Variants in FOLR1 observed in about 807,000 individuals in gnomAD.
The protein encoded by FOLR1 is KB cells FBP.
FOLR1 carries 11 observed loss-of-function variants against 22.8 expected under a neutral mutation model. That is an observed-to-expected ratio of 0.48 (90% CI 0.30 to 0.80). The LOEUF (loss-of-function observed/expected upper bound fraction) is 0.80. Ranked by LOEUF, FOLR1 falls within the 30% of genes least tolerant of loss-of-function variation. FOLR1 has a pLI of 0.06. For synonymous variants in FOLR1, 108 were observed against 116.5 expected (o/e 0.93, Z 0.47); for missense variants, 273 against 320.3 (o/e 0.85, Z 1.13).
chr11:72,191,343 C>A (rs1012698210), upstream of FOLR1, among the ~76,000 whole-genome samples: 3 of 152,084 alleles, frequency 2.0e-5, no homozygotes, highest in Non-Finnish European at 2.9e-5. Flanking sequence ...TGCAGCCCCC[C>A]CAACTAAAAC....
chr11:72,191,165 C>T (rs1170146535), upstream of FOLR1, among the ~76,000 whole-genome samples: 2 of 152,132 alleles, frequency 1.3e-5, no homozygotes, highest in African/African-American at 2.4e-5. Flanking sequence ...CCCAAGGCCC[C>T]AGGGCTGTCC....
Position 72,195,299 on chromosome 11 carries a change from G to A in FOLR1, c.197G>A (p.Cys66Tyr), listed in dbSNP as rs779015471. ...CGACCCTGGAGGAAGAATGCCTGCT[G>A]TTCTACCAACACCAGCCAGGAAGCC... ...QCRPWRKNAC[C>Y]STNTSQEAHK... The change falls in exon 2 of 4, where the codon TGT becomes TAT. Residue 66 changes from cysteine to tyrosine, a missense_variant. Transcript: ENST00000393676. The A allele has an allele frequency of 5.0e-6, 8 of 1,614,160 alleles. No individual in the cohort carries two copies. The highest frequency in any genetic ancestry group is 6.8e-6 in the Non-Finnish European group (8 of 1,180,034).
In FOLR1 at chr11:72,192,210, C is replaced by A; in HGVS notation, c.37C>A (p.Leu13Ile). The stretch of plus-strand genomic sequence containing the variant: ...GATGACAACACAGCTGCTGCTCCTT[C>A]TAGTGTGGGTGGCTGTAGTAGGGGA... ...QRMTTQLLLL[L>I]VWVAVVGEAQ... is the part of the protein sequence containing the mutation. Residue 13 changes from leucine to isoleucine, a missense_variant, in exon 1 of 4, where the codon CTA becomes ATA. Coordinates refer to ENST00000393676, the MANE Select transcript of FOLR1 (RefSeq NM_016729.3). The A allele has an allele frequency of 6.2e-7, 1 of 1,614,180 alleles. No homozygotes were observed.
At position 72,196,051 on chromosome 11, in the gene FOLR1, A is replaced by G. The variant is rs1472589648; in HGVS notation, c.648A>G (p.Pro216=). 5.0e-6 allele frequency: 8 copies of G among 1,614,112 alleles called. No individual in the cohort carries two copies. Among genetic ancestry groups the G allele is most frequent in the Non-Finnish European group, 6.8e-6 (8 of 1,180,046 alleles). The change falls in exon 4 of 4, where the codon CCA becomes CCG. Residue 216 remains proline (P), a synonymous_variant. Transcript: ENST00000393676. ...SGRCIQMWFD[P]AQGNPNEEVA... ...GCTGCATCCAGATGTGGTTCGACCC[A>G]GCCCAGGGCAACCCCAATGAGGAGG...
In FOLR1 at chr11:72,192,376, T is replaced by C. The variant is rs1948168709; in HGVS notation, c.168+35T>C. On this transcript the variant is annotated intron_variant, in intron 1 of 3. Transcript: ENST00000393676. The stretch of plus-strand genomic sequence containing the variant: ...GGGGTGATCTGGGGTGGTGAGGGAC[T>C]GGCTCAGGAAGAGGAAACGAGGACA... The C allele has an allele frequency of 3.7e-6, 6 of 1,611,920 alleles. No homozygotes were observed. The African/African-American group carries it at 4.0e-5, about 11-fold the overall frequency.
At chr11:72,191,722 G>A (rs1948159672), upstream of FOLR1, among the ~76,000 whole-genome samples, 1 of 152,194 alleles carries the variant, frequency 6.6e-6, no homozygotes, top group Admixed American at 6.5e-5. Context: ...GAAAATTAAT[G>A]TGAGTTTATG....
chr11:72,195,798 G>A (rs371000743), intron 3 of FOLR1, 51 bp downstream of exon 3: 1 of 1,614,180 alleles, frequency 6.2e-7, no homozygotes, highest in East Asian at 2.2e-5. Flanking sequence ...GGAGGTGTGT[G>A]GGTGTGGAAC....
At position 72,195,949 on chromosome 11, in the gene FOLR1, C is replaced by T. The variant is rs762574089; in HGVS notation, c.546C>T (p.Phe182=). The T allele has an allele frequency of 1.2e-6, 2 of 1,614,120 alleles. No individual in the cohort carries two copies. The highest frequency in any genetic ancestry group is 1.7e-6 in the Non-Finnish European group (2 of 1,180,054). The change falls in exon 4 of 4, where the codon TTC becomes TTT. Residue 182 remains phenylalanine (F), a synonymous_variant. Coordinates refer to ENST00000393676, the MANE Select transcript of FOLR1 (RefSeq NM_016729.3). The part of the protein sequence containing the change: ...GAACQPFHFY[F]PTPTVLCNEI... ...CCTGCCAACCTTTCCATTTCTACTTCCCCACACCCACTGTTCTGTGCAATG... is the reference window on the plus strand; with the variant it reads ...CCTGCCAACCTTTCCATTTCTACTTTCCCACACCCACTGTTCTGTGCAATG...
At chr11:72,194,165 T>G (rs1034950132) in intron 1 of FOLR1, among the ~76,000 whole-genome samples, 5 of 152,212 alleles carry the variant, frequency 3.3e-5, no homozygotes, top group African/African-American at 1.2e-4. Context: ...GAGCATAGTT[T>G]CAAGTTGTCC....
At chr11:72,193,984 A>C (rs189927876) in intron 1 of FOLR1, among the ~76,000 whole-genome samples, 189 of 152,074 alleles carry the variant, frequency 1.2e-3, no homozygotes, top group Middle Eastern at 3.4e-3. Flanking sequence ...GGGTTTTGCC[A>C]TGTTGGCCAG....
chr11:72,192,888 C>G (rs570925723), intron 1 of FOLR1, among the ~76,000 whole-genome samples: 52 of 152,204 alleles, frequency 3.4e-4, no homozygotes, highest in Non-Finnish European at 4.9e-4. Context: ...GAGCCGTACG[C>G]CCTCCTGAAG....
chr11:72,191,950 C>T, upstream of FOLR1: 1 of 563,454 alleles, frequency 1.8e-6, no homozygotes, highest in Non-Finnish European at 3.2e-6. Flanking sequence ...ATCACCTGAA[C>T]CTCGTGACCA....
chr11:72,193,091 G>C (rs1164524436), intron 1 of FOLR1, among the ~76,000 whole-genome samples: 1 of 152,136 alleles, frequency 6.6e-6, no homozygotes, highest in Non-Finnish European at 1.5e-5. Context: ...TCCCAACACT[G>C]TGGGATGTCG....
Position 72,195,390 on chromosome 11 carries a change from CA to C in FOLR1, c.291del (p.Lys97AsnfsTer34). The C allele has an allele frequency of 6.2e-7, 1 of 1,614,230 alleles. No individual in the cohort carries two copies. The highest frequency in any genetic ancestry group is 8.5e-7 in the Non-Finnish European group (1 of 1,180,040). On this transcript the variant is annotated frameshift_variant, in exon 2 of 4. Coordinates refer to ENST00000393676, the MANE Select transcript of FOLR1 (RefSeq NM_016729.3). LOFTEE classifies it high-confidence loss of function. The stretch of plus-strand genomic sequence containing the variant: ...ACTGTGGAGAGATGGCACCTGCCTG[CA>C]AACGGCATTTCATCCAGGACACCTG... ...NHCGEMAPACKRHFIQDTCLY... is the reference protein window; with the variant it reads ...NHCGEMAPACXRHFIQDTCLY...
intron 1 of FOLR1, among the ~76,000 whole-genome samples, chr11:72,194,390 TG>T (rs1228458004): frequency 6.6e-6 from 1 of 151,466 alleles, no homozygotes; most frequent in African/African-American, 2.4e-5. Flanking sequence ...CCACCACACT[TG>T]GCTAGTTTTT....
Position 72,196,297 on chromosome 11 carries a change from G to T in FOLR1, c.*120G>T. 1 of 968,278 alleles carries T rather than the reference G, an allele frequency of 1.0e-6. No individual in the cohort carries two copies. Among genetic ancestry groups the T allele is most frequent in the Non-Finnish European group, 1.6e-6 (1 of 613,880 alleles). 60.0% of individuals were successfully genotyped at this position (968,278 alleles called of 1,614,324 possible). A position where few individuals can be genotyped will look rare whatever the true frequency, so the allele number is the denominator to read the frequency against. ...AGCCACTTTGAATAAACCAGACACC[G>T]CACATGTGTCTTGAGAATTATTTGG... On this transcript the variant is annotated 3_prime_UTR_variant, in exon 4 of 4. Transcript: ENST00000393676.
chr11:72,195,162 C>T, intron 1 of FOLR1, 109 bp from the exon 2 acceptor site: 2 of 1,117,104 alleles, frequency 1.8e-6, no homozygotes, highest in Non-Finnish European at 2.7e-6. Context: ...GGGTGACTTC[C>T]AGTGGGCTGG....
chr11:72,195,506 C>A, intron 2 of FOLR1, 47 bp downstream of exon 2: 6 of 1,612,812 alleles, frequency 3.7e-6, no homozygotes, highest in Non-Finnish European at 5.1e-6. Flanking sequence ...AGCAGCTGAG[C>A]TTTCCAGGCA....
upstream of FOLR1, among the ~76,000 whole-genome samples, chr11:72,190,834 C>G (rs1183007590): frequency 6.6e-6 from 1 of 152,188 alleles, no homozygotes; most frequent in Non-Finnish European, 1.5e-5. Context: ...CTGGAGACAG[C>G]CCAGCTCAGG....
Sources: allele counts gnomAD v4.1 joint callset (sites outside exome capture counted in the v4.1 genomes callset), GRCh38; gene constraint gnomAD v4.1.1; transcripts MANE v1.5; gene names NCBI Gene and HGNC (gene_info 2026-07-23, HGNC 2026-07-21).